Variants in DLGAP2 observed in about 807,000 individuals in gnomAD.
The protein encoded by DLGAP2 is DLG associated protein 2, also known as disks large-associated protein 2.
DLGAP2 carries 26 observed loss-of-function variants against 100.3 expected under a neutral mutation model. The observed-to-expected ratio is 0.26, with a 90% CI of 0.19 to 0.36. DLGAP2 has a LOEUF of 0.36. Among genes scored for constraint, DLGAP2 ranks in the 10% least tolerant of loss-of-function variants. The probability of loss-of-function intolerance (pLI) is 1.00; values close to 1 mark genes in which losing one functional copy is unlikely to be tolerated. For synonymous variants in DLGAP2, 886 were observed against 630.1 expected (o/e 1.41, Z -6.08); for missense variants, 1,858 against 1,453.2 (o/e 1.28, Z -4.53).
chr8:1,385,628 T>A lies in DLGAP2; in HGVS notation c.107-115738T>A, dbSNP rs531533954. 4.2e-5 allele frequency among the ~76,000 whole-genome samples: 3 copies of A among 70,604 alleles called. 1 individual carries two copies. The South Asian group carries it at 1.7e-3, about 41-fold the overall frequency. 46.3% of individuals were successfully genotyped at this position (70,604 alleles called of 152,430 possible). On this transcript the variant is annotated intron_variant, in intron 3 of 14. Coordinates refer to ENST00000637795, the MANE Select transcript of DLGAP2 (RefSeq NM_001346810.2). ...AACTTGGTGCACAGTTACCCCGGCC[T>A]ATGCCCATCCCCTGAGAACTTGGTG...
chr8:1,129,532 A>G (rs1380323581), intron 2 of DLGAP2, among the ~76,000 whole-genome samples: 1 of 152,206 alleles, frequency 6.6e-6, no homozygotes, highest in African/African-American at 2.4e-5. Flanking sequence ...GAAGTTTTGT[A>G]AAATGCTGGG....
intron 6 of DLGAP2, among the ~76,000 whole-genome samples, chr8:1,592,781 T>G (rs1018005659): frequency 6.6e-6 from 1 of 152,204 alleles, no homozygotes; most frequent in Non-Finnish European, 1.5e-5. Flanking sequence ...AACTCATTTC[T>G]TTTTATTATC....
chr8:1,231,735 C>T (rs780310881), intron 2 of DLGAP2, among the ~76,000 whole-genome samples: 1 of 152,046 alleles, frequency 6.6e-6, no homozygotes, highest in Middle Eastern at 3.2e-3. Context: ...AACAGAAAAT[C>T]AAATAGTGAA....
At chr8:1,149,087 C>A (rs1338136423) in intron 2 of DLGAP2, among the ~76,000 whole-genome samples, 1 of 152,166 alleles carries the variant, frequency 6.6e-6, no homozygotes, top group Non-Finnish European at 1.5e-5. Context: ...GTGGGATGTA[C>A]AAATTCAGAT....
chr8:891,137 C>CCT (rs1554441051), intron 1 of DLGAP2: 139 of 152,558 alleles, frequency 9.1e-4, no homozygotes, highest in South Asian at 3.1e-3. Context: ...GCACCCCCCC[C>CCT]CCAGTTGCCA....
intron 2 of DLGAP2, among the ~76,000 whole-genome samples, chr8:1,134,674 G>A (rs1036797489): frequency 6.6e-6 from 1 of 152,182 alleles, no homozygotes; most frequent in Non-Finnish European, 1.5e-5. Context: ...AATTTATAAA[G>A]GAAAGAGGTT....
chr8:801,671 T>C (rs1473635180), intron 1 of DLGAP2, among the ~76,000 whole-genome samples: 1 of 152,150 alleles, frequency 6.6e-6, no homozygotes, highest in Non-Finnish European at 1.5e-5. Context: ...TGCAGCGGGC[T>C]TCCTGTGATG....
intron 3 of DLGAP2, among the ~76,000 whole-genome samples, chr8:1,291,666 A>C (rs1350415397): frequency 6.6e-6 from 1 of 152,196 alleles, no homozygotes; most frequent in Non-Finnish European, 1.5e-5. Context: ...CTTCCAGTTT[A>C]AAATCTAAGA....
intron 6 of DLGAP2, among the ~76,000 whole-genome samples, chr8:1,606,668 A>G (rs1477503528): frequency 6.6e-6 from 1 of 152,146 alleles, no homozygotes; most frequent in South Asian, 2.1e-4. Context: ...ATTATGAATA[A>G]TTCTGCTATG....
At chr8:1,475,756 G>A (rs1180595978) in intron 3 of DLGAP2, among the ~76,000 whole-genome samples, 1 of 152,200 alleles carries the variant, frequency 6.6e-6, no homozygotes, top group East Asian at 1.9e-4. Flanking sequence ...AGGCTTGTCA[G>A]ACAGAATTAC....
At chr8:1,603,496 G>T (rs1183534646) in intron 6 of DLGAP2, among the ~76,000 whole-genome samples, 2 of 151,614 alleles carry the variant, frequency 1.3e-5, no homozygotes, top group East Asian at 1.9e-4. Flanking sequence ...TGGAGGATGG[G>T]TCTCAGTTCC....
rs572573506 is a variant in DLGAP2, at chr8:866,778, C to T, written c.19-41134C>T. On this transcript the variant is annotated intron_variant, in intron 1 of 14. Transcript: ENST00000637795. ...TTCCTTTCTAGAATCGACCGTTTCT[C>T]CCTTTCTATGACTCAGACTGGGATT... Among the ~76,000 whole-genome samples the T allele has an allele frequency of 6.1e-4, 93 of 152,198 alleles. 1 individual carries two copies. Among genetic ancestry groups the T allele is most frequent in the Non-Finnish European group, 1.0e-3 (69 of 68,036 alleles).
intron 2 of DLGAP2, among the ~76,000 whole-genome samples, chr8:1,028,543 G>A (rs1035528458): frequency 6.6e-6 from 1 of 152,226 alleles, no homozygotes; most frequent in African/African-American, 2.4e-5. Flanking sequence ...TATTCTCCAG[G>A]TGCAGTGCCA....
At chr8:1,648,657 G>C (rs902962463) in intron 8 of DLGAP2, among the ~76,000 whole-genome samples, 5 of 152,118 alleles carry the variant, frequency 3.3e-5, no homozygotes, top group Admixed American at 6.5e-5. Flanking sequence ...TCAGGACAGG[G>C]GCCGTGTTCT....
At chr8:739,899 A>C (rs559016748) in intron 1 of DLGAP2, 2 of 152,326 alleles carry the variant, frequency 1.3e-5, no homozygotes, top group African/African-American at 4.8e-5. Flanking sequence ...GACCGAGGTG[A>C]CACAGAGCCG....
chr8:1,549,738 C>G (rs1801696328), intron 5 of DLGAP2, 55 bp downstream of exon 5: 2 of 1,451,374 alleles, frequency 1.4e-6, no homozygotes, highest in African/African-American at 2.8e-5. Flanking sequence ...GTGGTATTGT[C>G]GTTATTCCTT....
chr8:1,213,537 T>A (rs1187597252), intron 2 of DLGAP2, among the ~76,000 whole-genome samples: 1 of 152,172 alleles, frequency 6.6e-6, no homozygotes, highest in African/African-American at 2.4e-5. Flanking sequence ...TAGTGAGGGA[T>A]TTCCACCTGT....
At chr8:767,896 G>T (rs1170920195) in intron 1 of DLGAP2, among the ~76,000 whole-genome samples, 1 of 152,196 alleles carries the variant, frequency 6.6e-6, no homozygotes, top group African/African-American at 2.4e-5. Flanking sequence ...GGCTTCATTT[G>T]TGCCAGTGAT....
rs1014037749 is a variant in DLGAP2, at chr8:1,287,090, A to G, written c.106+28207A>G. Among the ~76,000 whole-genome samples, 3 of 150,782 alleles carry G rather than the reference A, an allele frequency of 2.0e-5. No individual in the cohort carries two copies. In the East Asian group the frequency reaches 5.9e-4, roughly 30 times the overall value. On this transcript the variant is annotated intron_variant, in intron 3 of 14. Coordinates refer to ENST00000637795, the MANE Select transcript of DLGAP2 (RefSeq NM_001346810.2). ...TTAGGGGAACTGGTTTCGGTTCAGT[A>G]TGTGTGTGCATGGTTAAGAGGGGAA...
Sources: allele counts gnomAD v4.1 joint callset (sites outside exome capture counted in the v4.1 genomes callset), GRCh38; gene constraint gnomAD v4.1.1; transcripts MANE v1.5; gene names NCBI Gene and HGNC (gene_info 2026-07-23, HGNC 2026-07-21).